PPP1R12A: variants seen among roughly 807,000 people sequenced by gnomAD.
PPP1R12A encodes the protein protein phosphatase 1 regulatory subunit 12A.
A neutral mutation model predicts 139.6 loss-of-function variants in PPP1R12A; 19 were observed. The observed-to-expected ratio is 0.14, with a 90% CI of 0.09 to 0.20. The LOEUF (loss-of-function observed/expected upper bound fraction) is 0.20, where lower values mean the gene tolerates loss of function less well. Ranked by LOEUF, PPP1R12A falls within the 10% of genes least tolerant of loss-of-function variation. The pLI is 1.00. For synonymous variants in PPP1R12A, 427 were observed against 420.6 expected, an observed-to-expected ratio of 1.02 and a Z score of -0.19; for missense variants, 925 against 1,211.5, an observed-to-expected ratio of 0.76 and a Z score of 3.51.
At chr12:79,909,727 TAA>T (rs146614526) in intron 1 of PPP1R12A, among the ~76,000 whole-genome samples, 113,067 of 143,276 alleles carry the variant, frequency 0.79, 46,384 homozygotes, top group Non-Finnish European at 0.92. Flanking sequence ...AACTCCGTCT[TAA>T]AAAAAAAAAA....
intron 19 of PPP1R12A, among the ~76,000 whole-genome samples, chr12:79,792,908 TTGTC>T (rs1023928712): frequency 8.7e-4 from 133 of 152,202 alleles, no homozygotes; most frequent in African/African-American, 2.9e-3. Context: ...TCACTCCTCA[TTGTC>T]TGGCCACCTA....
At chr12:79,909,301 A>G (rs1301585448) in intron 1 of PPP1R12A, among the ~76,000 whole-genome samples, 1 of 152,192 alleles carries the variant, frequency 6.6e-6, no homozygotes, top group Non-Finnish European at 1.5e-5. Context: ...ATACTATTAT[A>G]TAAGTGTTTA....
chr12:79,845,899 T>TATTTCATAAAAATGC (rs1879325555), intron 2 of PPP1R12A, among the ~76,000 whole-genome samples: 2 of 152,264 alleles, frequency 1.3e-5, no homozygotes, highest in Non-Finnish European at 2.9e-5. Flanking sequence ...TACAAAAATG[T>TATTTCATAAAAATGC]TAATTTTTAA....
intron 2 of PPP1R12A, among the ~76,000 whole-genome samples, chr12:79,860,905 G>C (rs1335519499): frequency 6.6e-6 from 1 of 152,158 alleles, no homozygotes; most frequent in East Asian, 1.9e-4. Flanking sequence ...TGTAACGTAT[G>C]TGTAATACAT....
At chr12:79,891,708 T>C (rs1008856134) in intron 1 of PPP1R12A, among the ~76,000 whole-genome samples, 9 of 152,162 alleles carry the variant, frequency 5.9e-5, no homozygotes, top group African/African-American at 2.2e-4. Context: ...GATTAGGTTA[T>C]AAAAAGACTA....
At chr12:79,793,483 T>A (rs1872140872) in intron 19 of PPP1R12A, among the ~76,000 whole-genome samples, 1 of 152,366 alleles carries the variant, frequency 6.6e-6, no homozygotes, top group African/African-American at 2.4e-5. Context: ...CTACTTCTGA[T>A]TATCCTTTAG....
chr12:79,840,888 T>C lies in PPP1R12A; in HGVS notation c.487+4414A>G, dbSNP rs542490298. ...GGAGATATTTGCTGCATCTATCCAA[T>C]GTCTACAAAAATAGATATCCTTCAC... On this transcript the variant is annotated intron_variant, in intron 3 of 24. Transcript: ENST00000450142. 1.2e-4 allele frequency among the ~76,000 whole-genome samples: 19 copies of C among 152,214 alleles called. No individual in the cohort carries two copies. In the East Asian group the frequency reaches 3.5e-3, roughly 28 times the overall value.
chr12:79,845,498 A>T (rs1879266156), intron 2 of PPP1R12A, 78 bp from the exon 3 acceptor site: 4 of 1,053,942 alleles, frequency 3.8e-6, no homozygotes, highest in Non-Finnish European at 5.6e-6. Flanking sequence ...CAATGAGGAA[A>T]GTTCCTATAT....
chr12:79,868,920 T>C (rs1882276049), intron 2 of PPP1R12A, among the ~76,000 whole-genome samples: 1 of 152,182 alleles, frequency 6.6e-6, no homozygotes, highest in African/African-American at 2.4e-5. Flanking sequence ...ATTGACTGCA[T>C]AATTTTTAAA....
intron 1 of PPP1R12A, among the ~76,000 whole-genome samples, chr12:79,874,315 G>T (rs1882890998): frequency 6.6e-6 from 1 of 151,124 alleles, no homozygotes; most frequent in African/African-American, 2.4e-5. Context: ...TATATTTGTT[G>T]CCAATGATAA....
intron 3 of PPP1R12A, among the ~76,000 whole-genome samples, chr12:79,837,084 CT>C (rs1878175615): frequency 6.6e-6 from 1 of 152,120 alleles, no homozygotes; most frequent in Admixed American, 6.5e-5. Flanking sequence ...TTCTGCTTCT[CT>C]TTTCTTGATT....
intron 3 of PPP1R12A, among the ~76,000 whole-genome samples, chr12:79,843,643 T>TATAG (rs1354062976): frequency 1.4e-5 from 2 of 147,788 alleles, no homozygotes; most frequent in Non-Finnish European, 3.0e-5. Context: ...TAGATATAGA[T>TATAG]ATAGATATAG....
chr12:79,912,593 C>T (rs983819733), intron 1 of PPP1R12A, among the ~76,000 whole-genome samples: 4 of 151,516 alleles, frequency 2.6e-5, no homozygotes, highest in Non-Finnish European at 5.9e-5. Flanking sequence ...ACTCAGGTGG[C>T]TGAGGTGGGA....
At chr12:79,776,438 T>A (rs1565732155) in intron 24 of PPP1R12A, among the ~76,000 whole-genome samples, 2 of 152,054 alleles carry the variant, frequency 1.3e-5, no homozygotes, top group South Asian at 2.1e-4. Flanking sequence ...CACAAGAAAG[T>A]CAAACTACCT....
At chr12:79,823,303 G>T (rs968158167) in intron 5 of PPP1R12A, among the ~76,000 whole-genome samples, 2 of 151,712 alleles carry the variant, frequency 1.3e-5, no homozygotes, top group African/African-American at 4.8e-5. Context: ...AAAGTTTTTA[G>T]CAACAAAAAA....
intron 2 of PPP1R12A, among the ~76,000 whole-genome samples, chr12:79,854,152 G>C (rs938502959): frequency 1.3e-5 from 2 of 152,112 alleles, no homozygotes; most frequent in African/African-American, 4.8e-5. Flanking sequence ...CAGTGACGCA[G>C]AAGAAAATCC....
intron 1 of PPP1R12A, among the ~76,000 whole-genome samples, chr12:79,907,216 T>C (rs1209382412): frequency 1.3e-5 from 2 of 152,196 alleles, no homozygotes; most frequent in Non-Finnish European, 2.9e-5. Flanking sequence ...TATTTTCCAA[T>C]CACCCTAAGA....
At chr12:79,886,408 C>T (rs999333409) in intron 1 of PPP1R12A, among the ~76,000 whole-genome samples, 2 of 152,170 alleles carry the variant, frequency 1.3e-5, no homozygotes, top group African/African-American at 4.8e-5. Context: ...CACCTTTCTA[C>T]TACCTCAGGT....
In PPP1R12A at chr12:79,806,271, G is replaced by A. The variant is rs1565749632; in HGVS notation, c.1718C>T (p.Thr573Ile). 5.6e-6 allele frequency: 9 copies of A among 1,613,902 alleles called. No individual in the cohort carries two copies. The highest frequency in any genetic ancestry group is 1.7e-5 in the Admixed American group (1 of 60,016). ...ISSSVPSTTS[T>I]PTVTSAAGLQ... ...CCCAGCTGCAGAGGTAACTGTTGGT[G>A]TTGATGTGGTGCTTGGAACACTAGA... The change falls in exon 13 of 25, where the codon ACA (threonine) becomes ATA (isoleucine). Residue 573 changes from threonine (T) to isoleucine (I), a missense_variant. By Grantham distance (89) the Thr-to-Ile change is moderately conservative. This residue lies in a region of PPP1R12A where 403 missense variants were observed against 463.7 expected (regional missense o/e 0.87). Coordinates refer to ENST00000450142, the MANE Select transcript of PPP1R12A (RefSeq NM_002480.3).
Sources: gnomAD v4.1 joint callset for allele counts (sites outside exome capture counted in the v4.1 genomes callset) on GRCh38, gnomAD v4.1.1 for gene constraint, gnomAD v4.1.1 regional missense constraint, MANE v1.5 for transcripts, NCBI Gene and HGNC (gene_info 2026-07-23, HGNC 2026-07-21) for gene names.